MAP3K9: variants seen among roughly 807,000 people sequenced by gnomAD.
MAP3K9 encodes mixed lineage kinase 1 (tyr and ser/thr specificity).
MAP3K9 carries 46 observed loss-of-function variants against 95.8 expected under a neutral mutation model. The ratio of observed to expected loss-of-function variants is 0.48; its 90% CI spans 0.38 to 0.61. MAP3K9 has a LOEUF of 0.61. MAP3K9 is among the 20% of genes least tolerant of loss of function. The probability of loss-of-function intolerance (pLI) is 0.00; values close to 1 mark genes in which losing one functional copy is unlikely to be tolerated. For synonymous variants in MAP3K9, 533 were observed against 593.8 expected, an observed-to-expected ratio of 0.90 and a Z score of 1.49; for missense variants, 1,296 against 1,474.3, an observed-to-expected ratio of 0.88 and a Z score of 1.98.
intron 5 of MAP3K9, among the ~76,000 whole-genome samples, chr14:70,745,892 G>A (rs2054140549): frequency 6.6e-6 from 1 of 152,158 alleles, no homozygotes; most frequent in African/African-American, 2.4e-5. Context: ...GTGCAATATT[G>A]TGAATGCAAT....
chr14:70,798,895 C>T (rs925444606), intron 2 of MAP3K9, among the ~76,000 whole-genome samples: 7 of 152,216 alleles, frequency 4.6e-5, no homozygotes, highest in Admixed American at 1.3e-4. Flanking sequence ...AGATTTTTTA[C>T]GTAACTTAAA....
In MAP3K9 at chr14:70,761,124, A is replaced by C; in HGVS notation, c.879T>G (p.Thr293=). The change falls in exon 3 of 12, where the codon ACT becomes ACG. Residue 293 remains threonine, a synonymous_variant. Coordinates refer to ENST00000554752, the MANE Select transcript of MAP3K9 (RefSeq NM_001284230.2). The part of the protein sequence containing the change: ...GDLSNKILKI[T]DFGLAREWHR... ...GCCATTCCCGAGCCAGGCCAAAATC[A>C]GTGATCTTCAGAATCTTGTTGCTCA... The C allele has an allele frequency of 6.2e-7, 1 of 1,614,174 alleles. No homozygotes were observed. The highest frequency in any genetic ancestry group is 1.3e-5 in the African/African-American group (1 of 75,048).
chr14:70,777,772 C>T (rs906342830), intron 2 of MAP3K9, among the ~76,000 whole-genome samples: 4 of 152,136 alleles, frequency 2.6e-5, no homozygotes, highest in Admixed American at 1.3e-4. Context: ...TAGTTCTCTG[C>T]GAAGAGACAC....
In MAP3K9 at chr14:70,733,208, G is replaced by A. The variant is rs1594763435; in HGVS notation, c.2161C>T (p.Pro721Ser). The A allele has an allele frequency of 1.2e-6, 2 of 1,611,318 alleles. No individual in the cohort carries two copies. The highest frequency in any genetic ancestry group is 2.2e-5 in the East Asian group (1 of 44,776). Residue 721 changes from proline (P) to serine (S), a missense_variant, in exon 11 of 12, where the codon CCC (proline) becomes TCC (serine). Pro to Ser is a moderately conservative substitution (Grantham distance 74). Coordinates refer to ENST00000554752, the MANE Select transcript of MAP3K9 (RefSeq NM_001284230.2). ...GPSSDGIHEEPTPVNSATSTP... is the reference protein window; with the variant it reads ...GPSSDGIHEESTPVNSATSTP... ...CTCGTGGCCGAGTTGACTGGGGTGG[G>A]CTCCTCATGGATTCCATCACTGGAG...
intron 5 of MAP3K9, among the ~76,000 whole-genome samples, chr14:70,744,430 T>C (rs921804597): frequency 3.7e-4 from 56 of 152,154 alleles, no homozygotes; most frequent in African/African-American, 1.3e-3. Flanking sequence ...TGTACATAAA[T>C]CATCCTCCAG....
chr14:70,758,029 CCA>C (rs942624034), intron 3 of MAP3K9, among the ~76,000 whole-genome samples: 2 of 151,974 alleles, frequency 1.3e-5, no homozygotes, highest in African/African-American at 4.8e-5. Context: ...AAAGCACAAT[CCA>C]CAGATGATAA....
Position 70,732,692 on chromosome 14 carries a change from T to A in MAP3K9, c.2677A>T (p.Asn893Tyr). The change falls in exon 11 of 12, where the codon AAC (asparagine) becomes TAC (tyrosine). Residue 893 changes from asparagine (N) to tyrosine (Y), a missense_variant. Transcript: ENST00000554752. Reference sequence around the variant, plus strand: ...ACATGGGTGGGAGTCAGAGATTGGTTAGGATCTCGTTTGAAGCGCTCTACT... The same window carrying A: ...ACATGGGTGGGAGTCAGAGATTGGTAAGGATCTCGTTTGAAGCGCTCTACT... ...VRVERFKRDP[N>Y]QSLTPTHVTL... 6.2e-7 allele frequency: 1 copy of A among 1,601,274 alleles called. No homozygotes were observed. Among genetic ancestry groups the A allele is most frequent in the Non-Finnish European group, 8.5e-7 (1 of 1,171,872 alleles).
chr14:70,775,359 G>A (rs751580290), intron 2 of MAP3K9, among the ~76,000 whole-genome samples: 9 of 152,122 alleles, frequency 5.9e-5, no homozygotes, highest in Non-Finnish European at 1.0e-4. Flanking sequence ...AAGCGAAAGA[G>A]TCAAGATTTG....
intron 7 of MAP3K9, 92 bp from the exon 8 acceptor site, chr14:70,738,490 T>C: frequency 8.9e-7 from 1 of 1,128,152 alleles, no homozygotes; most frequent in South Asian, 1.5e-5. Context: ...ACACACACAT[T>C]TGGAGCTGCA....
At chr14:70,790,801 G>A (rs2054799290) in intron 2 of MAP3K9, among the ~76,000 whole-genome samples, 1 of 152,210 alleles carries the variant, frequency 6.6e-6, no homozygotes, top group Non-Finnish European at 1.5e-5. Flanking sequence ...TGGGATAGAA[G>A]CTACATTTTT....
intron 2 of MAP3K9, among the ~76,000 whole-genome samples, chr14:70,770,788 G>A (rs2054521333): frequency 1.3e-5 from 2 of 152,070 alleles, no homozygotes; most frequent in African/African-American, 4.8e-5. Flanking sequence ...CAGTCCTAAG[G>A]GGTTCCCTTC....
chr14:70,808,846 T>C lies in MAP3K9; in HGVS notation c.326A>G (p.Asn109Ser). The C allele has an allele frequency of 6.3e-7, 1 of 1,599,266 alleles. No individual in the cohort carries two copies. ...GAAGGCGCTGCGCGGGGTCACGTAG[T>C]TGCTGGGGAAGATGCCCACCCGCTG... ...LNQRVGIFPS[N>S]YVTPRSAFSS... Residue 109 changes from asparagine (N) to serine (S), a missense_variant, in exon 1 of 12, where the codon AAC becomes AGC. Around this residue, in one of 5 missense-constraint regions of MAP3K9, gnomAD observed 338 missense variants for 363.4 expected, o/e 0.93. Transcript: ENST00000554752.
At chr14:70,806,065 C>T (rs1182090172) in intron 1 of MAP3K9, among the ~76,000 whole-genome samples, 3 of 152,224 alleles carry the variant, frequency 2.0e-5, no homozygotes, top group Non-Finnish European at 4.4e-5. Flanking sequence ...AATGCAACGT[C>T]ACAACACATG....
At position 70,742,520 on chromosome 14, in the gene MAP3K9, C is replaced by A. The variant is rs1306107086; in HGVS notation, c.1398G>T (p.Arg466=). ...LQQKNQEELL[R]RREQELAERE... is the part of the protein sequence containing the mutation. ...GCTCGGCCAGCTCCTGCTCCCGACG[C>A]CGCAGCAGTTCCTCCTGGTTCTTCT... The change falls in exon 6 of 12, where the codon CGG becomes CGT. Residue 466 remains arginine (R), a synonymous_variant. Coordinates refer to ENST00000554752, the MANE Select transcript of MAP3K9 (RefSeq NM_001284230.2). 1 of 1,614,210 alleles carries A rather than the reference C, an allele frequency of 6.2e-7. No individual in the cohort carries two copies. The highest frequency in any genetic ancestry group is 8.5e-7 in the Non-Finnish European group (1 of 1,180,040).
At position 70,725,433 on chromosome 14, in the gene MAP3K9, G is replaced by A. The variant is rs887195210; in HGVS notation, c.*4947C>T. Reference sequence around the variant, plus strand: ...GCCTGCACGGCTAACCATAAGTCCCGGGCTGAGTCATGATAATTAGGCACC... The same window carrying A: ...GCCTGCACGGCTAACCATAAGTCCCAGGCTGAGTCATGATAATTAGGCACC... On this transcript the variant is annotated 3_prime_UTR_variant, in exon 12 of 12. Coordinates refer to ENST00000554752, the MANE Select transcript of MAP3K9 (RefSeq NM_001284230.2). The A allele has an allele frequency of 7.2e-5, 11 of 152,176 alleles. No individual in the cohort carries two copies. The highest frequency in any genetic ancestry group is 2.4e-4 in the African/African-American group (10 of 41,424). 9.4% of individuals were successfully genotyped at this position (152,176 alleles called of 1,614,324 possible). A position where few individuals can be genotyped will look rare whatever the true frequency, so the allele number is the denominator to read the frequency against.
intron 2 of MAP3K9, among the ~76,000 whole-genome samples, chr14:70,791,951 G>A (rs77445083): frequency 0.012 from 1,825 of 152,284 alleles, 48 homozygotes; most frequent in African/African-American, 0.042. Flanking sequence ...AAAGGCACAG[G>A]ACAAAAGGGA....
At chr14:70,772,831 A>T (rs2054549474) in intron 2 of MAP3K9, among the ~76,000 whole-genome samples, 1 of 152,238 alleles carries the variant, frequency 6.6e-6, no homozygotes, top group Non-Finnish European at 1.5e-5. Context: ...TACGGAAAGT[A>T]GGTACTATAA....
chr14:70,766,776 C>T (rs749684891), intron 2 of MAP3K9, among the ~76,000 whole-genome samples: 2 of 152,094 alleles, frequency 1.3e-5, no homozygotes, highest in Non-Finnish European at 2.9e-5. Context: ...TGTGCCATGC[C>T]GTACAGAGGC....
chr14:70,798,659 T>C (rs2054894181), intron 2 of MAP3K9, among the ~76,000 whole-genome samples: 1 of 151,536 alleles, frequency 6.6e-6, no homozygotes, highest in East Asian at 1.9e-4. Context: ...TTTGTATTTT[T>C]AGTAGAGACG....
Sources: allele counts gnomAD v4.1 joint callset (sites outside exome capture counted in the v4.1 genomes callset), GRCh38; gene constraint gnomAD v4.1.1; regional missense constraint gnomAD v4.1.1; transcripts MANE v1.5; gene names NCBI Gene and HGNC (gene_info 2026-07-23, HGNC 2026-07-21).